Variants in HAUS6 observed in about 807,000 individuals in gnomAD.
The protein encoded by HAUS6 is HAUS augmin-like complex subunit 6.
HAUS6 carries 80 observed loss-of-function variants against 106.8 expected under a neutral mutation model. That is an observed-to-expected ratio of 0.75 (90% CI 0.63 to 0.90). The LOEUF (loss-of-function observed/expected upper bound fraction) is 0.90. Among genes scored for constraint, HAUS6 ranks in the 40% least tolerant of loss-of-function variants. The probability of loss-of-function intolerance (pLI) is 0.00; values close to 1 mark genes in which losing one functional copy is unlikely to be tolerated. For missense variants in HAUS6, 1,155 were observed against 1,118.1 expected (o/e 1.03, Z -0.47); for synonymous variants, 356 against 379.1 (o/e 0.94, Z 0.71).
intron 5 of HAUS6, among the ~76,000 whole-genome samples, chr9:19,089,045 T>C (rs1056963518): frequency 5.3e-5 from 8 of 152,020 alleles, no homozygotes; most frequent in African/African-American, 1.9e-4. Flanking sequence ...AAGTTTGAGA[T>C]CAGTCTAGGC....
chr9:19,101,749 G>GTC (rs1323920272), intron 1 of HAUS6, among the ~76,000 whole-genome samples: 1 of 152,118 alleles, frequency 6.6e-6, no homozygotes, highest in Non-Finnish European at 1.5e-5. Flanking sequence ...GTGAAACCCC[G>GTC]TCTCTACTAA....
At chr9:19,059,053 A>C in intron 15 of HAUS6, 52 bp from the exon 16 acceptor site, 1 of 937,632 alleles carries the variant, frequency 1.1e-6, no homozygotes, top group Non-Finnish European at 1.7e-6. Context: ...AACATAGAGC[A>C]TGCAATGAAT....
chr9:19,089,652 T>C, intron 4 of HAUS6, 93 bp from the exon 5 acceptor site: 1 of 848,242 alleles, frequency 1.2e-6, no homozygotes, highest in Non-Finnish European at 1.8e-6. Context: ...ACGTTGGTGG[T>C]ATACAATCTC....
At chr9:19,081,814 C>G (rs1170639336) in intron 8 of HAUS6, among the ~76,000 whole-genome samples, 2 of 152,068 alleles carry the variant, frequency 1.3e-5, no homozygotes, top group African/African-American at 4.8e-5. Context: ...GCCTGTAATC[C>G]CAGCACTTTG....
chr9:19,086,752 CA>C lies in HAUS6; in HGVS notation c.680del (p.Met227ArgfsTer15), dbSNP rs1271000865. The C allele has an allele frequency of 1.4e-5, 18 of 1,250,058 alleles. No individual in the cohort carries two copies. The highest frequency in any genetic ancestry group is 2.1e-5 in the Non-Finnish European group (18 of 864,018). The allele number at this position is 1,250,058 out of a possible 1,614,324, so 77.4% of individuals were successfully genotyped here. A position where few individuals can be genotyped will look rare whatever the true frequency, so the allele number is the denominator to read the frequency against. The stretch of plus-strand genomic sequence containing the variant: ...GTCTCACCTTTTGAATTTTTTCTTC[CA>C]TATTACTGTGGTCATCATAGGGTTC... ...KMEPYDDHSN[M>X]EEKIQKVRSL... On this transcript the variant is annotated frameshift_variant, in exon 7 of 17. Transcript: ENST00000380502. LOFTEE classifies it high-confidence loss of function.
chr9:19,083,476 T>A (rs1391598462), intron 7 of HAUS6, among the ~76,000 whole-genome samples: 1 of 152,030 alleles, frequency 6.6e-6, no homozygotes, highest in Non-Finnish European at 1.5e-5. Flanking sequence ...ATTAATCGAA[T>A]GAAGATCATT....
In HAUS6 at chr9:19,070,236, T is replaced by G; in HGVS notation, c.1359A>C (p.Leu453=). The G allele has an allele frequency of 6.3e-7, 1 of 1,582,094 alleles. No individual in the cohort carries two copies. Among genetic ancestry groups the G allele is most frequent in the Non-Finnish European group, 8.7e-7 (1 of 1,151,694 alleles). ...CRGDSDTLGA[L]HDLANSPASF... Reference sequence around the variant, plus strand: ...TGTTTTACCTGTTGGCTAGATCATGTAGCGCTCCCAAGGTATCACTGTCTC... The same window carrying G: ...TGTTTTACCTGTTGGCTAGATCATGGAGCGCTCCCAAGGTATCACTGTCTC... The change falls in exon 12 of 17, where the codon CTA becomes CTC. Residue 453 remains leucine (L), a synonymous_variant. Coordinates refer to ENST00000380502, the MANE Select transcript of HAUS6 (RefSeq NM_017645.5).
Position 19,102,560 on chromosome 9 carries a change from G to A in HAUS6, c.92C>T (p.Ala31Val). The change falls in exon 1 of 17, where the codon GCC becomes GTC. Residue 31 changes from alanine to valine, a missense_variant. Transcript: ENST00000380502. ...CGTGTGCGACACGATCTTTCCGCAG[G>A]CAATGGTTGCCGGGCCTGGCTCGAA... Reference protein sequence around the residue: ...LGFEPGPATIACGKIVSHTHL... With the variant: ...LGFEPGPATIVCGKIVSHTHL... 14 of 1,613,874 alleles carry A rather than the reference G, an allele frequency of 8.7e-6. No individual in the cohort carries two copies. Among genetic ancestry groups the A allele is most frequent in the Non-Finnish European group, 1.1e-5 (13 of 1,179,856 alleles).
intron 12 of HAUS6, chr9:19,063,851 C>T (rs561425755): frequency 9.5e-5 from 58 of 612,148 alleles, no homozygotes; most frequent in South Asian, 6.8e-4. Flanking sequence ...AGTTAAGTGA[C>T]TTAATGAATA....
In HAUS6 at chr9:19,056,124, A is replaced by G. The variant is rs1836462317; in HGVS notation, c.*219T>C. The G allele has an allele frequency of 7.1e-6, 3 of 421,898 alleles. No individual in the cohort carries two copies. The East Asian group carries it at 1.0e-4, about 14-fold the overall frequency. The allele number at this position is 421,898 out of a possible 1,614,324, so 26.1% of individuals were successfully genotyped here. On this transcript the variant is annotated 3_prime_UTR_variant, in exon 17 of 17. Coordinates refer to ENST00000380502, the MANE Select transcript of HAUS6 (RefSeq NM_017645.5). ...ATTGCTTGACGTTTGTTGTCCAAAT[A>G]CTTCACATTTCAATCTCATATACCT...
chr9:19,056,804 T>A (rs1390142350), intron 16 of HAUS6: 2 of 162,422 alleles, frequency 1.2e-5, no homozygotes, highest in Non-Finnish European at 2.7e-5. Flanking sequence ...TCTCCCTGTG[T>A]TGCTGAGGCT....
At chr9:19,066,562 T>C (rs546345253) in intron 12 of HAUS6, among the ~76,000 whole-genome samples, 1 of 151,862 alleles carries the variant, frequency 6.6e-6, no homozygotes, top group Non-Finnish European at 1.5e-5. Flanking sequence ...CCGTTAGAAA[T>C]ATCATGGAAC....
chr9:19,070,233 A>G lies in HAUS6; in HGVS notation c.1362T>C (p.His454=), dbSNP rs764174526. 1.3e-6 allele frequency: 2 copies of G among 1,576,786 alleles called. No individual in the cohort carries two copies. Among genetic ancestry groups the G allele is most frequent in the Non-Finnish European group, 1.7e-6 (2 of 1,146,930 alleles). ...ATTTGTTTTACCTGTTGGCTAGATC[A>G]TGTAGCGCTCCCAAGGTATCACTGT... ...RGDSDTLGAL[H]DLANSPASFL... Residue 454 remains histidine (H), a synonymous_variant, in exon 12 of 17, where the codon CAT becomes CAC. Transcript: ENST00000380502.
intron 5 of HAUS6, among the ~76,000 whole-genome samples, chr9:19,089,146 G>A (rs1195041301): frequency 6.6e-6 from 1 of 152,144 alleles, no homozygotes; most frequent in Non-Finnish European, 1.5e-5. Context: ...TGGAGGCTGA[G>A]GTGGGAGGAT....
intron 9 of HAUS6, 40 bp from the exon 10 acceptor site, chr9:19,078,342 A>C: frequency 8.5e-7 from 1 of 1,176,960 alleles, no homozygotes; most frequent in Non-Finnish European, 1.2e-6. Flanking sequence ...AAGATGATAC[A>C]AAAAAAGCAC....
Position 19,063,392 on chromosome 9 carries a change from A to AT in HAUS6, c.1443+121dup, listed in dbSNP as rs141239552. ...GGAATATAAGTAGATATGGTACAAA[A>AT]TGTACAAATAGTAGAAAATGTGAAA... On this transcript the variant is annotated intron_variant, in intron 13 of 16. Coordinates refer to ENST00000380502, the MANE Select transcript of HAUS6 (RefSeq NM_017645.5). The AT allele has an allele frequency of 3.0e-3, 1,994 of 662,810 alleles. 32 individuals carry two copies. In the African/African-American group the frequency reaches 0.032, roughly 11 times the overall value. 41.1% of individuals were successfully genotyped at this position (662,810 alleles called of 1,614,324 possible). A position where few individuals can be genotyped will look rare whatever the true frequency, so the allele number is the denominator to read the frequency against.
rs1321809925 is a variant in HAUS6 at position 19,086,794 on chromosome 9, T to A, written c.651-12A>T. Reference sequence around the variant, plus strand: ...CATAGGGTTCCATTCTAATAAAAATTAAATAATCTAATTAGTCATATTAAA... The same window carrying A: ...CATAGGGTTCCATTCTAATAAAAATAAAATAATCTAATTAGTCATATTAAA... On this transcript the variant is annotated splice_polypyrimidine_tract_variant and intron_variant, in intron 6 of 16. Coordinates refer to ENST00000380502, the MANE Select transcript of HAUS6 (RefSeq NM_017645.5). 9.9e-7 allele frequency: 1 copy of A among 1,008,144 alleles called. No homozygotes were observed. The highest frequency in any genetic ancestry group is 1.4e-5 in the South Asian group (1 of 70,774). The allele number at this position is 1,008,144 out of a possible 1,614,324, so 62.4% of individuals were successfully genotyped here. A position where few individuals can be genotyped will look rare whatever the true frequency, so the allele number is the denominator to read the frequency against.
rs543017044 is a variant in HAUS6, at chr9:19,080,035, G to A, written c.1064+444C>T. ...ACTAAAAATACAAAATTAGCCAGGC[G>A]TGGTGGCACATGCCTGTAATCGCAG... On this transcript the variant is annotated intron_variant, in intron 9 of 16. Transcript: ENST00000380502. 3.3e-4 allele frequency among the ~76,000 whole-genome samples: 50 copies of A among 151,808 alleles called. No homozygotes were observed. The South Asian group carries it at 9.2e-3, about 28-fold the overall frequency.
chr9:19,061,485 G>A (rs968299023), intron 14 of HAUS6, among the ~76,000 whole-genome samples: 1 of 152,114 alleles, frequency 6.6e-6, no homozygotes, highest in African/African-American at 2.4e-5. Flanking sequence ...GAACTTTAGA[G>A]ATTTAAAAGT....
Sources: gnomAD v4.1 joint callset for allele counts (sites outside exome capture counted in the v4.1 genomes callset) on GRCh38, gnomAD v4.1.1 for gene constraint, MANE v1.5 for transcripts, NCBI Gene and HGNC (gene_info 2026-07-23, HGNC 2026-07-21) for gene names.